SF3B2: variants seen among roughly 807,000 people sequenced by gnomAD.
SF3B2 encodes the protein SAP 145.
In SF3B2, 22 loss-of-function variants were observed where a neutral mutation model predicts 116.3. The observed-to-expected ratio is 0.19, with a 90% CI of 0.14 to 0.27. The LOEUF (loss-of-function observed/expected upper bound fraction) is 0.27, where lower values mean the gene tolerates loss of function less well. Among genes scored for constraint, SF3B2 ranks in the 10% least tolerant of loss-of-function variants. The pLI, the probability that SF3B2 is intolerant of heterozygous loss-of-function variation, is 1.00. For synonymous variants in SF3B2, 406 were observed against 421.6 expected (o/e 0.96, Z 0.45); for missense variants, 767 against 1,151.4 (o/e 0.67, Z 4.83).
chr11:66,053,214 A>G, intron 3 of SF3B2, 110 bp downstream of exon 3: 3 of 1,014,208 alleles, frequency 3.0e-6, no homozygotes, highest in East Asian at 2.4e-5. Context: ...ACCCTTGCAC[A>G]TTACTCGCCT....
At chr11:66,058,801 G>A (rs1277916845) in intron 9 of SF3B2, 29 bp from the exon 10 acceptor site, 1 of 1,593,314 alleles carries the variant, frequency 6.3e-7, no homozygotes, top group Non-Finnish European at 8.6e-7. Context: ...TGGATTCCCT[G>A]ACCCAGCTGG....
Position 66,053,887 on chromosome 11 carries a change from GA to G in SF3B2, c.258+795del, listed in dbSNP as rs562629293. 2.5e-3 allele frequency: 362 copies of G among 144,594 alleles called. 1 individual carries two copies. The highest frequency in any genetic ancestry group is 2.9e-3 in the African/African-American group (115 of 39,396). 9.0% of individuals were successfully genotyped at this position (144,594 alleles called of 1,614,324 possible). A position where few individuals can be genotyped will look rare whatever the true frequency, so the allele number is the denominator to read the frequency against. ...AAAATAAAATTAAACCAAAAAATAG[GA>G]AAAAAAAAAAAGAGGCAGGGCGTGG... is the stretch of plus-strand genomic sequence containing the variant. On this transcript the variant is annotated intron_variant, in intron 3 of 21. Coordinates refer to ENST00000322535, the MANE Select transcript of SF3B2 (RefSeq NM_006842.3).
chr11:66,063,780 C>T, intron 19 of SF3B2, 51 bp downstream of exon 19: 5 of 1,416,248 alleles, frequency 3.5e-6, no homozygotes, highest in South Asian at 1.4e-5. Context: ...TTCCCTTTGG[C>T]TGGCTGGCTG....
intron 19 of SF3B2, chr11:66,066,608 A>T (rs1857189473): frequency 6.6e-6 from 1 of 152,206 alleles, no homozygotes; most frequent in African/African-American, 2.4e-5. Context: ...TTGAGGCAGG[A>T]CTGAAGCAGT....
chr11:66,056,184 T>G (rs1392928406), intron 5 of SF3B2, among the ~76,000 whole-genome samples: 3 of 152,086 alleles, frequency 2.0e-5, no homozygotes, highest in African/African-American at 7.2e-5. Context: ...GGTGGATCGC[T>G]TGAGCTCAGG....
rs893318768 is a variant in SF3B2 at position 66,058,682 on chromosome 11, G to A, written c.967-148G>A. 2.3e-5 allele frequency: 16 copies of A among 698,914 alleles called. No homozygotes were observed. The African/African-American group carries it at 2.9e-4, about 13-fold the overall frequency. 43.3% of individuals were successfully genotyped at this position (698,914 alleles called of 1,614,324 possible). On this transcript the variant is annotated intron_variant, in intron 9 of 21. Transcript: ENST00000322535. Reference sequence around the variant, plus strand: ...CAGAACTTTGGAGTCTGACTCCAAGGCCCCTTCGCAGCTACTTCATGAGAT... The same window carrying A: ...CAGAACTTTGGAGTCTGACTCCAAGACCCCTTCGCAGCTACTTCATGAGAT...
chr11:66,065,925 T>C (rs1047723234), intron 19 of SF3B2: 1 of 152,222 alleles, frequency 6.6e-6, no homozygotes, highest in Non-Finnish European at 1.5e-5. Flanking sequence ...TAGGCTGGAG[T>C]GCAGTGGCGT....
intron 9 of SF3B2, 48 bp downstream of exon 9, chr11:66,058,453 G>A (rs1335410625): frequency 6.9e-7 from 1 of 1,445,630 alleles, no homozygotes; most frequent in Non-Finnish European, 9.7e-7. Flanking sequence ...GATGGGACTT[G>A]GGTACGGAAA....
Position 66,068,676 on chromosome 11 carries a change from A to C in SF3B2, c.2619A>C (p.Gln873His), listed in dbSNP as rs774105041. 3.7e-6 allele frequency: 6 copies of C among 1,613,866 alleles called. No individual in the cohort carries two copies. The highest frequency in any genetic ancestry group is 1.7e-5 in the Admixed American group (1 of 59,986). Residue 873 changes from glutamine to histidine, a missense_variant and splice_region_variant, in exon 22 of 22, where the codon CAA becomes CAC. Transcript: ENST00000322535. ...MVAEHAAKQK[Q>H]KKRKAQPQDS... The stretch of plus-strand genomic sequence containing the variant: ...TGTGTCTCTTTCTCCCTATACAGCA[A>C]AAAAAACGGAAAGCTCAGCCCCAGG...
chr11:66,057,063 T>C (rs1857011108), intron 6 of SF3B2, 108 bp downstream of exon 6: 1 of 885,014 alleles, frequency 1.1e-6, no homozygotes. Context: ...AGTAAATATA[T>C]AGTTTAATGG....
chr11:66,057,752 G>C (rs949844295), intron 7 of SF3B2, among the ~76,000 whole-genome samples: 1 of 151,910 alleles, frequency 6.6e-6, no homozygotes, highest in Non-Finnish European at 1.5e-5. Context: ...GAGGCGGGCG[G>C]ATCACCTGAG....
chr11:66,060,101 C>T (rs1429694802), intron 13 of SF3B2, 92 bp downstream of exon 13: 2 of 1,053,332 alleles, frequency 1.9e-6, no homozygotes, highest in Non-Finnish European at 2.8e-6. Flanking sequence ...TGAAACCCAC[C>T]TACCACCTAC....
intron 8 of SF3B2, 59 bp downstream of exon 8, chr11:66,058,209 C>G: frequency 6.3e-7 from 1 of 1,578,034 alleles, no homozygotes; most frequent in African/African-American, 1.3e-5. Flanking sequence ...GAGCTGAGTC[C>G]TCATCCCTCT....
rs761753597 is a variant in SF3B2 at position 66,067,960 on chromosome 11, A to G, written c.2345A>G (p.Gln782Arg). ...GTCCTTCGCAGAAGTGAGACACCTC[A>G]GCTCTTCACTGTGTTGCCAGAGAAG... is the stretch of plus-strand genomic sequence containing the variant. ...EEAMDGSETPQLFTVLPEKRT... is the reference protein window; with the variant it reads ...EEAMDGSETPRLFTVLPEKRT... Residue 782 changes from glutamine to arginine, a missense_variant, in exon 20 of 22, where the codon CAG becomes CGG. Physicochemically the swap from Gln to Arg is conservative, Grantham distance 43. Transcript: ENST00000322535. The G allele has an allele frequency of 6.2e-7, 1 of 1,614,070 alleles. No individual in the cohort carries two copies. The highest frequency in any genetic ancestry group is 8.5e-7 in the Non-Finnish European group (1 of 1,179,964).
chr11:66,052,735 G>T lies in SF3B2; in HGVS notation c.180+16G>T, dbSNP rs1590706204. 6.4e-7 allele frequency: 1 copy of T among 1,556,538 alleles called. No individual in the cohort carries two copies. Among genetic ancestry groups the T allele is most frequent in the East Asian group, 2.2e-5 (1 of 44,520 alleles). ...CACCCGCCAGGTAGGTGTTGGCGGCGGGACGTCAGGATAGGCCGAGCTTCT... is the reference window on the plus strand; with the variant it reads ...CACCCGCCAGGTAGGTGTTGGCGGCTGGACGTCAGGATAGGCCGAGCTTCT... On this transcript the variant is annotated intron_variant, in intron 2 of 21. Transcript: ENST00000322535.
rs982775626 is a variant in SF3B2, at chr11:66,059,616, G to A, written c.1401+21G>A. 1 of 1,613,042 alleles carries A rather than the reference G, an allele frequency of 6.2e-7. No homozygotes were observed. The highest frequency in any genetic ancestry group is 1.7e-5 in the Admixed American group (1 of 60,016). On this transcript the variant is annotated intron_variant, in intron 12 of 21. Transcript: ENST00000322535. This position sits in a 1 kb window ranked among gnomAD's most constrained non-coding sequence, Gnocchi z 5.0. ...AGCAGGTAAGACCTGAGAGGATCCT[G>A]CAGGCCCTGGAGCCCAGCTGGGAGA...
Position 66,061,789 on chromosome 11 carries a change from A to G in SF3B2, c.1869+14A>G, listed in dbSNP as rs1030585939. The G allele has an allele frequency of 6.2e-7, 1 of 1,611,984 alleles. No homozygotes were observed. The highest frequency in any genetic ancestry group is 1.3e-5 in the African/African-American group (1 of 74,908). On this transcript the variant is annotated intron_variant, in intron 15 of 21. Coordinates refer to ENST00000322535, the MANE Select transcript of SF3B2 (RefSeq NM_006842.3). ...CCAGTAGGACCAGTGAGTGTCAGTT[A>G]GCTGTCTGGGGAAGCAGCGAAGAGG... is the stretch of plus-strand genomic sequence containing the variant.
At chr11:66,062,982 G>GATCTC (rs1565091155) in intron 16 of SF3B2, 27 bp from the exon 17 acceptor site, 6 of 1,535,666 alleles carry the variant, frequency 3.9e-6, no homozygotes, top group Non-Finnish European at 2.7e-6. Flanking sequence ...GCTAAGGAGT[G>GATCTC]AACTGATTGT....
chr11:66,055,858 G>T, intron 5 of SF3B2: 1 of 448,396 alleles, frequency 2.2e-6, no homozygotes, highest in Non-Finnish European at 3.9e-6. Flanking sequence ...ACCAGAGTCT[G>T]TACAGCAACC....
Sources: gnomAD v4.1 joint callset for allele counts (sites outside exome capture counted in the v4.1 genomes callset) on GRCh38, gnomAD v4.1.1 for gene constraint, Gnocchi (gnomAD v3.1) non-coding constraint, MANE v1.5 for transcripts, NCBI Gene and HGNC (gene_info 2026-07-23, HGNC 2026-07-21) for gene names.